FIBCD1: variants seen among roughly 807,000 people sequenced by gnomAD.
FIBCD1 encodes fibrinogen C domain containing 1.
In FIBCD1, 47 loss-of-function variants were observed where a neutral mutation model predicts 45.1. The ratio of observed to expected loss-of-function variants is 1.04; its 90% CI spans 0.82 to 1.33. The LOEUF (loss-of-function observed/expected upper bound fraction) is 1.33. Among genes scored for constraint, FIBCD1 ranks in the 40% most tolerant of loss-of-function variants. The pLI, the probability that FIBCD1 is intolerant of heterozygous loss-of-function variation, is 0.00. For missense variants in FIBCD1, 653 were observed against 682.2 expected (o/e 0.96, Z 0.48); for synonymous variants, 313 against 308.1 (o/e 1.02, Z -0.17).
intron 5 of FIBCD1, among the ~76,000 whole-genome samples, chr9:130,910,317 G>A (rs901328989): frequency 6.6e-6 from 1 of 152,248 alleles, no homozygotes. Flanking sequence ...CAGCCCACCG[G>A]CGCTGCACTC....
At position 130,929,725 on chromosome 9, in the gene FIBCD1, G is replaced by C. The variant is rs1832413699; in HGVS notation, c.394C>G (p.Gln132Glu). The change falls in exon 2 of 7, where the codon CAG (glutamine) becomes GAG (glutamate). Residue 132 changes from glutamine (Q) to glutamate (E), a missense_variant. By Grantham distance (29) the Gln-to-Glu change is conservative. Coordinates refer to ENST00000372338, the MANE Select transcript of FIBCD1 (RefSeq NM_032843.5). ...AGCGTGTCCAGCAGCTCCTGCTCCT[G>C]GTCGCCCACCAGCCGTGGCTGGGCC... is the stretch of plus-strand genomic sequence containing the variant. ...HQAQPRLVGD[Q>E]EQELLDTLAD... The C allele has an allele frequency of 6.3e-7, 1 of 1,590,012 alleles. No individual in the cohort carries two copies. The highest frequency in any genetic ancestry group is 8.5e-7 in the Non-Finnish European group (1 of 1,169,600).
At chr9:130,919,787 G>A (rs1314027794) in intron 4 of FIBCD1, among the ~76,000 whole-genome samples, 7 of 152,202 alleles carry the variant, frequency 4.6e-5, no homozygotes, top group East Asian at 1.9e-4. Context: ...GCCTGGGAGC[G>A]GAGCAGGTAG....
chr9:130,911,345 A>G (rs1832040133), intron 5 of FIBCD1, among the ~76,000 whole-genome samples: 1 of 152,108 alleles, frequency 6.6e-6, no homozygotes. Flanking sequence ...AGAACCCACC[A>G]ATTCTGGACA....
At position 130,904,091 on chromosome 9, in the gene FIBCD1, C is replaced by T. The variant is rs748906369; in HGVS notation, c.1359G>A (p.Lys453=). ...WQYSLKFSEM[K]IRPVREDR ...AGCGGTCCTCCCGGACCGGCCGGAT[C>T]TTCATCTCAGAGAACTTGAGTGAGT... Residue 453 remains lysine, a synonymous_variant, in exon 7 of 7, where the codon AAG becomes AAA. Transcript: ENST00000372338. The T allele has an allele frequency of 1.9e-6, 3 of 1,613,108 alleles. No individual in the cohort carries two copies. The highest frequency in any genetic ancestry group is 3.3e-5 in the Admixed American group (2 of 60,030).
chr9:130,915,939 C>G (rs1832151801), intron 4 of FIBCD1, among the ~76,000 whole-genome samples: 2 of 145,260 alleles, frequency 1.4e-5, no homozygotes, highest in Middle Eastern at 3.5e-3. Context: ...TAGATATTTT[C>G]TTTTTTCTTT....
chr9:130,939,886 C>T (rs1461862962), upstream of FIBCD1, among the ~76,000 whole-genome samples: 3 of 151,980 alleles, frequency 2.0e-5, no homozygotes, highest in East Asian at 5.8e-4. Flanking sequence ...GACCGGGAGG[C>T]GCCCACACTG....
chr9:130,918,734 A>AGT (rs1302751383), intron 4 of FIBCD1, among the ~76,000 whole-genome samples: 2 of 152,218 alleles, frequency 1.3e-5, no homozygotes, highest in African/African-American at 4.8e-5. Flanking sequence ...ACCTCTGGGC[A>AGT]GTGCCCCCAG....
chr9:130,929,543 C>G, intron 2 of FIBCD1, 24 bp downstream of exon 2: 1 of 1,492,382 alleles, frequency 6.7e-7, no homozygotes, highest in East Asian at 2.4e-5. Context: ...CAGCAAGACC[C>G]CAAGATGCAG....
At chr9:130,911,953 G>T in intron 4 of FIBCD1, 65 bp from the exon 5 acceptor site, 1 of 1,430,430 alleles carries the variant, frequency 7.0e-7, no homozygotes, top group Non-Finnish European at 9.6e-7. Context: ...GCCCACCTGG[G>T]CCCACCCCGC....
intron 6 of FIBCD1, among the ~76,000 whole-genome samples, chr9:130,904,604 C>T (rs1314117704): frequency 8.5e-5 from 13 of 152,210 alleles, no homozygotes; most frequent in African/African-American, 3.1e-4. Flanking sequence ...AGCTTTTCCA[C>T]ATTCCCTCTC....
At chr9:130,928,557 T>A (rs1200308099) in intron 2 of FIBCD1, among the ~76,000 whole-genome samples, 1 of 152,214 alleles carries the variant, frequency 6.6e-6, no homozygotes, top group Non-Finnish European at 1.5e-5. Flanking sequence ...ATGAGGACTG[T>A]AATTTCTCCA....
At position 130,937,712 on chromosome 9, in the gene FIBCD1, TGGCAGCCCAGCCTGG is replaced by T. The variant is rs1345691401; in HGVS notation, c.72+809_72+823del. 2.0e-5 allele frequency among the ~76,000 whole-genome samples: 3 copies of T among 152,210 alleles called. No individual in the cohort carries two copies. In the East Asian group the frequency reaches 5.8e-4, roughly 29 times the overall value. ...TTTTCGCCTGCCTGCCCCAGTCCCT[TGGCAGCCCAGCCTGG>T]GGCAGCCCTGGGGCTCCCCTCCGCC... On this transcript the variant is annotated intron_variant, in intron 1 of 6. Coordinates refer to ENST00000372338, the MANE Select transcript of FIBCD1 (RefSeq NM_032843.5).
intron 5 of FIBCD1, among the ~76,000 whole-genome samples, chr9:130,910,229 C>A (rs1564333551): frequency 8.0e-6 from 1 of 125,478 alleles, no homozygotes; most frequent in Non-Finnish European, 1.6e-5. Flanking sequence ...CCGACCAGCC[C>A]CGCTGGCCCC....
chr9:130,927,385 CAG>C (rs1832378952), intron 2 of FIBCD1, among the ~76,000 whole-genome samples: 1 of 152,186 alleles, frequency 6.6e-6, no homozygotes, highest in Non-Finnish European at 1.5e-5. Flanking sequence ...CCCCACGTGA[CAG>C]AGCCAGCCAA....
At chr9:130,905,688 A>T (rs1346376784) in intron 5 of FIBCD1, among the ~76,000 whole-genome samples, 1 of 152,146 alleles carries the variant, frequency 6.6e-6, no homozygotes, top group South Asian at 2.1e-4. Context: ...TGGTGGGAAG[A>T]CTGCAGGAGG....
upstream of FIBCD1, chr9:130,939,255 C>A (rs1466307378): frequency 6.6e-6 from 1 of 152,104 alleles, no homozygotes; most frequent in Non-Finnish European, 1.5e-5. Flanking sequence ...GGCGCCCCCG[C>A]CGGCCGGTTC....
intron 1 of FIBCD1, among the ~76,000 whole-genome samples, chr9:130,936,727 C>T (rs1020805409): frequency 3.3e-5 from 5 of 152,344 alleles, no homozygotes; most frequent in Non-Finnish European, 7.3e-5. Context: ...CAATGCCTGA[C>T]CTGAGCTGCC....
At chr9:130,924,045 G>T (rs1479060061) in intron 3 of FIBCD1, among the ~76,000 whole-genome samples, 165 bp from the exon 4 acceptor site, 2 of 152,232 alleles carry the variant, frequency 1.3e-5, no homozygotes, top group African/African-American at 4.8e-5. Context: ...GCTGTGGCTG[G>T]GTGAGAGAAT....
chr9:130,923,982 T>C (rs1435915868), intron 3 of FIBCD1, 102 bp from the exon 4 acceptor site: 11 of 1,556,118 alleles, frequency 7.1e-6, no homozygotes, highest in Non-Finnish European at 9.6e-6. Flanking sequence ...TGGGGTCCCA[T>C]GGGGTTGAGA....
Sources: allele counts gnomAD v4.1 joint callset (sites outside exome capture counted in the v4.1 genomes callset), GRCh38; gene constraint gnomAD v4.1.1; transcripts MANE v1.5; gene names NCBI Gene and HGNC (gene_info 2026-07-23, HGNC 2026-07-21).